CD8A: variants seen among roughly 807,000 people sequenced by gnomAD.
CD8A encodes T-cell surface glycoprotein CD8 alpha chain.
A neutral mutation model predicts 24.2 loss-of-function variants in CD8A; 25 were observed. That is an observed-to-expected ratio of 1.03 (90% CI 0.75 to 1.44). The LOEUF (loss-of-function observed/expected upper bound fraction) is 1.44, where lower values mean the gene tolerates loss of function less well. Ranked by LOEUF, CD8A falls within the 40% of genes most tolerant of loss-of-function variation. The probability of loss-of-function intolerance (pLI) is 0.00; values close to 1 mark genes in which losing one functional copy is unlikely to be tolerated. For synonymous variants in CD8A, 165 were observed against 149.9 expected, an observed-to-expected ratio of 1.10 and a Z score of -0.74; for missense variants, 360 against 319.7, an observed-to-expected ratio of 1.13 and a Z score of -0.96.
chr2:86,801,281 GCCTC>G (rs1041595789), intron 3 of CD8A, among the ~76,000 whole-genome samples: 18 of 150,874 alleles, frequency 1.2e-4, no homozygotes, highest in African/African-American at 4.1e-4. Context: ...CTCCCTCCCT[GCCTC>G]CCTCCCTTCC....
At chr2:86,795,731 AT>A (rs1673460856), upstream of CD8A, among the ~76,000 whole-genome samples, 1 of 152,008 alleles carries the variant, frequency 6.6e-6, no homozygotes, top group African/African-American at 2.4e-5. Flanking sequence ...TTTGGATCTG[AT>A]TTTCTCTTGA....
At chr2:86,788,633 T>C in intron 4 of CD8A, 73 bp from the exon 5 acceptor site, 2 of 1,332,234 alleles carry the variant, frequency 1.5e-6, no homozygotes, top group Non-Finnish European at 2.2e-6. Flanking sequence ...GTGTATTTTT[T>C]GTTGTTGCTG....
upstream of CD8A, among the ~76,000 whole-genome samples, chr2:86,792,239 T>G (rs1673334106): frequency 6.6e-6 from 1 of 152,118 alleles, no homozygotes; most frequent in East Asian, 1.9e-4. Flanking sequence ...GGTTTCTGAG[T>G]CTTTCCACTT....
intron 5 of CD8A, among the ~76,000 whole-genome samples, chr2:86,786,817 G>C (rs969995327): frequency 3.3e-5 from 5 of 151,728 alleles, no homozygotes; most frequent in African/African-American, 9.7e-5. Context: ...TCAGGAGATC[G>C]AGACCATCCT....
intron 5 of CD8A, among the ~76,000 whole-genome samples, chr2:86,787,658 C>T (rs1045983542): frequency 2.0e-5 from 3 of 152,094 alleles, no homozygotes; most frequent in Non-Finnish European, 4.4e-5. Flanking sequence ...AAGTAACGTG[C>T]GTTGTAGGCT....
Position 86,785,930 on chromosome 2 carries a change from C to T in CD8A, c.698G>A (p.Arg233Lys). Reference protein sequence around the residue: ...KSGDKPSLSARYV With the variant: ...KSGDKPSLSAKYV Reference sequence around the variant, plus strand: ...GGCTGTTGCACAGGGTTAGACGTATCTCGCCGAAAGGCTGGGCTTGTCTCC... The same window carrying T: ...GGCTGTTGCACAGGGTTAGACGTATTTCGCCGAAAGGCTGGGCTTGTCTCC... The change falls in exon 6 of 6, where the codon AGA (arginine) becomes AAA (lysine). Residue 233 changes from arginine (R) to lysine (K), a missense_variant. Transcript: ENST00000283635. 6.2e-7 allele frequency: 1 copy of T among 1,613,320 alleles called. No homozygotes were observed. The highest frequency in any genetic ancestry group is 8.5e-7 in the Non-Finnish European group (1 of 1,179,236).
intron 3 of CD8A, among the ~76,000 whole-genome samples, chr2:86,797,397 G>T (rs1228407499): frequency 1.3e-5 from 2 of 152,220 alleles, no homozygotes; most frequent in African/African-American, 2.4e-5. Context: ...GGCTTGAGAA[G>T]GTGGAAGAAC....
chr2:86,789,567 A>T, intron 3 of CD8A, 73 bp downstream of exon 3: 1 of 1,316,114 alleles, frequency 7.6e-7, no homozygotes, highest in Non-Finnish European at 1.1e-6. Context: ...TACCTACAGT[A>T]TCAGGGCTGT....
upstream of CD8A, chr2:86,791,127 G>A (rs558618665): frequency 3.2e-5 from 21 of 658,936 alleles, no homozygotes; most frequent in Non-Finnish European, 5.8e-5. Context: ...AAAGGGCTTG[G>A]AAATAGTCCT....
chr2:86,790,715 G>T, intron 1 of CD8A, 34 bp from the exon 2 acceptor site: 1 of 1,555,886 alleles, frequency 6.4e-7, no homozygotes, highest in Non-Finnish European at 8.6e-7. Flanking sequence ...TGAGCCCGCA[G>T]TCCCGCGCCC....
intron 2 of CD8A, among the ~76,000 whole-genome samples, chr2:86,802,573 G>A (rs1673710538): frequency 6.6e-6 from 1 of 152,040 alleles, no homozygotes; most frequent in Admixed American, 6.6e-5. Context: ...CTTTTATGGA[G>A]GAAGTAGAAT....
chr2:86,788,417 T>C, intron 5 of CD8A, 113 bp downstream of exon 5: 2 of 846,596 alleles, frequency 2.4e-6, no homozygotes, highest in Non-Finnish European at 4.0e-6. Flanking sequence ...GCCCCAGGAT[T>C]TCACGGCCAT....
At chr2:86,802,983 T>C (rs1178205094) in intron 2 of CD8A, among the ~76,000 whole-genome samples, 1 of 152,144 alleles carries the variant, frequency 6.6e-6, no homozygotes, top group East Asian at 1.9e-4. Context: ...TTCTTGTATT[T>C]TAAAAATGAG....
rs557445239 is a variant in CD8A, at chr2:86,799,459, G to C, written c.-271+2052C>G. ...TCCTGAGCAGAGTCCCCAGTATCCA[G>C]GTAGAGTCATCTGGGGGCCGGGCAC... On this transcript the variant is annotated intron_variant, in intron 3 of 8. Coordinates refer to the CD8A transcript ENST00000409511. Among the ~76,000 whole-genome samples the C allele has an allele frequency of 2.0e-5, 3 of 152,088 alleles. No homozygotes were observed. In the East Asian group the frequency reaches 5.8e-4, roughly 29 times the overall value.
At chr2:86,791,419 A>C, upstream of CD8A, 1 of 429,380 alleles carries the variant, frequency 2.3e-6, no homozygotes, top group Non-Finnish European at 4.7e-6. Flanking sequence ...GGAGATTTCC[A>C]TGAGAGCGGC....
Position 86,790,869 on chromosome 2 carries a change from A to G in CD8A, c.-44T>C. 1 of 1,530,090 alleles carries G rather than the reference A, an allele frequency of 6.5e-7. No homozygotes were observed. The highest frequency in any genetic ancestry group is 8.8e-7 in the Non-Finnish European group (1 of 1,141,130). The allele number at this position is 1,530,090 out of a possible 1,614,324, so 94.8% of individuals were successfully genotyped here. A position where few individuals can be genotyped will look rare whatever the true frequency, so the allele number is the denominator to read the frequency against. On this transcript the variant is annotated 5_prime_UTR_variant, in exon 1 of 6. Coordinates refer to ENST00000283635, the MANE Select transcript of CD8A (RefSeq NM_001768.7). Reference sequence around the variant, plus strand: ...CTGCTTGGCTCGAAGCTCGGGCGCGAGGGGAGGCGCGCGGGAGCCGGTGGG... The same window carrying G: ...CTGCTTGGCTCGAAGCTCGGGCGCGGGGGGAGGCGCGCGGGAGCCGGTGGG...
At position 86,790,840 on chromosome 2, in the gene CD8A, G is replaced by A; in HGVS notation, c.-15C>T. On this transcript the variant is annotated 5_prime_UTR_variant, in exon 1 of 6. Coordinates refer to ENST00000283635, the MANE Select transcript of CD8A (RefSeq NM_001768.7). ...GGTAAGGCCATGACGCGCTCCCCAG[G>A]ACGCTGCTTGGCTCGAAGCTCGGGC... 1 of 1,540,136 alleles carries A rather than the reference G, an allele frequency of 6.5e-7. No individual in the cohort carries two copies. The highest frequency in any genetic ancestry group is 1.2e-5 in the South Asian group (1 of 84,244).
Position 86,790,400 on chromosome 2 carries a change from C to T in CD8A, c.331G>A (p.Gly111Ser), listed in dbSNP as rs121918660. 2 of 1,614,024 alleles carry T rather than the reference C, an allele frequency of 1.2e-6. No homozygotes were observed. Among genetic ancestry groups the T allele is most frequent in the Non-Finnish European group, 1.7e-6 (2 of 1,180,034 alleles). Reference sequence around the variant, plus strand: ...CTCAGGGCCGAGCAGAAATAGTAGCCCTCGTTCTCTCGGCGGAAGTCGCTC... The same window carrying T: ...CTCAGGGCCGAGCAGAAATAGTAGCTCTCGTTCTCTCGGCGGAAGTCGCTC... ...TLSDFRRENEGYYFCSALSNS... is the reference protein window; with the variant it reads ...TLSDFRRENESYYFCSALSNS... The change falls in exon 2 of 6, where the codon GGC (glycine) becomes AGC (serine). Residue 111 changes from glycine (G) to serine (S), a missense_variant. Transcript: ENST00000283635.
In CD8A at chr2:86,790,662, C is replaced by G. The variant is rs1013942703; in HGVS notation, c.69G>C (p.Gln23His). ...ALLLHAARPSQFRVSPLDRTW... is the reference protein window; with the variant it reads ...ALLLHAARPSHFRVSPLDRTW... ...TCCGATCCAGCGGCGACACCCGGAA[C>G]TGGCTCGGCCTGGCGGCGTCTGCAG... Residue 23 changes from glutamine to histidine, a missense_variant, in exon 2 of 6, where the codon CAG becomes CAC. By Grantham distance (24) the Gln-to-His change is conservative (BLOSUM62 0). Transcript: ENST00000283635. 1.3e-6 allele frequency: 2 copies of G among 1,598,282 alleles called. No homozygotes were observed. Among genetic ancestry groups the G allele is most frequent in the South Asian group, 1.1e-5 (1 of 90,878 alleles).
Sources: gnomAD v4.1 joint callset for allele counts (sites outside exome capture counted in the v4.1 genomes callset) on GRCh38, gnomAD v4.1.1 for gene constraint, MANE v1.5 for transcripts, NCBI Gene and HGNC (gene_info 2026-07-23, HGNC 2026-07-21) for gene names.